MYORG: variants seen among roughly 807,000 people sequenced by gnomAD.
MYORG encodes the protein myogenesis regulating glycosidase, also known as alpha-galactosidase MYORG.
MYORG carries 45 observed loss-of-function variants against 49.8 expected under a neutral mutation model. That is an observed-to-expected ratio of 0.90 (90% CI 0.71 to 1.16). The LOEUF (loss-of-function observed/expected upper bound fraction) is 1.16, where lower values mean the gene tolerates loss of function less well. Among genes scored for constraint, MYORG ranks in the 50% most tolerant of loss-of-function variants. The pLI is 0.00. For missense variants in MYORG, 1,110 were observed against 1,026.5 expected (o/e 1.08, Z -1.11); for synonymous variants, 552 against 462.9 (o/e 1.19, Z -2.47).
rs1820635560 is a variant in MYORG at position 34,372,425 on chromosome 9, C to T, written c.519G>A (p.Glu173=). The change falls in exon 2 of 2, where the codon GAG becomes GAA. Residue 173 remains glutamate (E), a synonymous_variant. Transcript: ENST00000297625. ...CCGCGTCGCCCAAGAACATGGCGTGCTCCACGGCCCGGCCCGGCGCTGCCT... is the reference window on the plus strand; with the variant it reads ...CCGCGTCGCCCAAGAACATGGCGTGTTCCACGGCCCGGCCCGGCGCTGCCT... ...WEEAAPGRAV[E]HAMFLGDAAA... 2 of 1,581,246 alleles carry T rather than the reference C, an allele frequency of 1.3e-6. No individual in the cohort carries two copies. Among genetic ancestry groups the T allele is most frequent in the Admixed American group, 1.8e-5 (1 of 54,950 alleles).
In MYORG at chr9:34,372,387, T is replaced by A; in HGVS notation, c.557A>T (p.Tyr186Phe). The change falls in exon 2 of 2, where the codon TAT becomes TTT. Residue 186 changes from tyrosine (Y) to phenylalanine (F), a missense_variant. Physicochemically the swap from Tyr to Phe is conservative, Grantham distance 22. Coordinates refer to ENST00000297625, the MANE Select transcript of MYORG (RefSeq NM_020702.5). ...TTGCGTCCTCATCTCGGCGCCACCATACCAGTGGGCCGCCGCGTCGCCCAA... is the reference window on the plus strand; with the variant it reads ...TTGCGTCCTCATCTCGGCGCCACCAAACCAGTGGGCCGCCGCGTCGCCCAA... ...MFLGDAAAHWYGGAEMRTQHW... is the reference protein window; with the variant it reads ...MFLGDAAAHWFGGAEMRTQHW... The A allele has an allele frequency of 6.3e-7, 1 of 1,588,286 alleles. No homozygotes were observed. Among genetic ancestry groups the A allele is most frequent in the Non-Finnish European group, 8.6e-7 (1 of 1,168,750 alleles).
chr9:34,371,637 G>A lies in MYORG; in HGVS notation c.1307C>T (p.Thr436Met), dbSNP rs1264814966. 3.7e-6 allele frequency: 6 copies of A among 1,605,544 alleles called. No homozygotes were observed. Among genetic ancestry groups the A allele is most frequent in the Admixed American group, 1.7e-5 (1 of 59,132 alleles). ...WNGIGAVLDF[T>M]HPKARDWFQG... Reference sequence around the variant, plus strand: ...GAACCAGTCGCGGGCCTTTGGGTGCGTGAAGTCTAGCACCGCGCCGATGCC... The same window carrying A: ...GAACCAGTCGCGGGCCTTTGGGTGCATGAAGTCTAGCACCGCGCCGATGCC... The change falls in exon 2 of 2, where the codon ACG becomes ATG. Residue 436 changes from threonine to methionine, a missense_variant. Coordinates refer to ENST00000297625, the MANE Select transcript of MYORG (RefSeq NM_020702.5).
At position 34,376,339 on chromosome 9, in the gene MYORG, C is replaced by T. The variant is rs528027678; in HGVS notation, c.-64+454G>A. On this transcript the variant is annotated intron_variant, in intron 1 of 1. Coordinates refer to ENST00000297625, the MANE Select transcript of MYORG (RefSeq NM_020702.5). The surrounding 1 kb of genome is among the most constrained non-coding windows in gnomAD (Gnocchi z 4.4). Reference sequence around the variant, plus strand: ...GCCAGGTGGAGTCTGGGCTCTGCCCCTGCTGAGCCTCTCCCCACCGGACAC... The same window carrying T: ...GCCAGGTGGAGTCTGGGCTCTGCCCTTGCTGAGCCTCTCCCCACCGGACAC... Among the ~76,000 whole-genome samples the T allele has an allele frequency of 1.0e-3, 153 of 152,354 alleles. 1 individual carries two copies. Among genetic ancestry groups the T allele is most frequent in the African/African-American group, 3.3e-3 (136 of 41,574 alleles).
chr9:34,371,962 C>A lies in MYORG; in HGVS notation c.982G>T (p.Val328Leu). 2 of 1,614,036 alleles carry A rather than the reference C, an allele frequency of 1.2e-6. No individual in the cohort carries two copies. Among genetic ancestry groups the A allele is most frequent in the Non-Finnish European group, 1.7e-6 (2 of 1,179,888 alleles). ...WSTWALYGRA[V>L]DQDKVLRFAQ... ...AAACGCAGCACCTTGTCCTGGTCCA[C>A]GGCGCGCCCGTACAGCGCCCATGTG... Residue 328 changes from valine (V) to leucine (L), a missense_variant, in exon 2 of 2, where the codon GTG (valine) becomes TTG (leucine). Physicochemically the swap from Val to Leu is conservative, Grantham distance 32. Transcript: ENST00000297625.
Position 34,368,329 on chromosome 9 carries a change from G to A in MYORG, c.*2470C>T, listed in dbSNP as rs1178728696. The A allele has an allele frequency of 6.6e-6, 1 of 152,200 alleles. No homozygotes were observed. The highest frequency in any genetic ancestry group is 1.5e-5 in the Non-Finnish European group (1 of 68,030). The allele number at this position is 152,200 out of a possible 1,614,324, so 9.4% of individuals were successfully genotyped here. A position where few individuals can be genotyped will look rare whatever the true frequency, so the allele number is the denominator to read the frequency against. ...TAACATTTGGCTCCTTGTTACTTAT[G>A]CAAATTTCTGCAGGGGGCTTGAATT... On this transcript the variant is annotated 3_prime_UTR_variant, in exon 2 of 2. Coordinates refer to ENST00000297625, the MANE Select transcript of MYORG (RefSeq NM_020702.5).
In MYORG at chr9:34,370,048, G is replaced by C. The variant is rs1163282713; in HGVS notation, c.*751C>G. On this transcript the variant is annotated 3_prime_UTR_variant, in exon 2 of 2. Coordinates refer to ENST00000297625, the MANE Select transcript of MYORG (RefSeq NM_020702.5). ...CACACACACACACGCACACTCTTCA[G>C]TTAAGGCACGAAGTCTGGCCTGCAT... 1 of 152,810 alleles carries C rather than the reference G, an allele frequency of 6.5e-6. No individual in the cohort carries two copies. The highest frequency in any genetic ancestry group is 1.5e-5 in the Non-Finnish European group (1 of 68,244). 9.5% of individuals were successfully genotyped at this position (152,810 alleles called of 1,614,324 possible). A position where few individuals can be genotyped will look rare whatever the true frequency, so the allele number is the denominator to read the frequency against.
At chr9:34,374,074 C>T (rs1417567685) in intron 1 of MYORG, among the ~76,000 whole-genome samples, 1 of 152,218 alleles carries the variant, frequency 6.6e-6, no homozygotes, top group Non-Finnish European at 1.5e-5. Context: ...TCCATGCCTG[C>T]CTTCCTGCTT....
At position 34,371,772 on chromosome 9, in the gene MYORG, ACC is replaced by A; in HGVS notation, c.1170_1171del (p.Trp390CysfsTer102). On this transcript the variant is annotated frameshift_variant, in exon 2 of 2. Transcript: ENST00000297625. LOFTEE classifies it high-confidence loss of function. Reference sequence around the variant, plus strand: ...CGAGTTGTAGTTGACAAAAGGGTGCACCCAGAGCGTGACGCGGAAGCCGGCGT... The same window carrying A: ...CGAGTTGTAGTTGACAAAAGGGTGCACAGAGCGTGACGCGGAAGCCGGCGT... 6.2e-7 allele frequency: 1 copy of A among 1,613,842 alleles called. No individual in the cohort carries two copies. The highest frequency in any genetic ancestry group is 2.2e-5 in the East Asian group (1 of 44,876).
chr9:34,372,541 A>G lies in MYORG; in HGVS notation c.403T>C (p.Ser135Pro), dbSNP rs748675255. The change falls in exon 2 of 2, where the codon TCG becomes CCG. Residue 135 changes from serine (S) to proline (P), a missense_variant. Physicochemically the swap from Ser to Pro is moderately conservative, Grantham distance 74. Transcript: ENST00000297625. ...AGCGGCAGCCCGTCGGCCGTGAGCGAGCAGCCCAGCAGGGCGCCATCGCGG... is the reference window on the plus strand; with the variant it reads ...AGCGGCAGCCCGTCGGCCGTGAGCGGGCAGCCCAGCAGGGCGCCATCGCGG... ...CSRDGALLGC[S>P]LTADGLPLHF... is the part of the protein sequence containing the mutation. The G allele has an allele frequency of 5.6e-6, 9 of 1,600,660 alleles. No individual in the cohort carries two copies. In the South Asian group the frequency reaches 6.7e-5, roughly 12 times the overall value.
Position 34,372,386 on chromosome 9 carries a change from A to C in MYORG, c.558T>G (p.Tyr186Ter). Reference sequence around the variant, plus strand: ...GTTGCGTCCTCATCTCGGCGCCACCATACCAGTGGGCCGCCGCGTCGCCCA... The same window carrying C: ...GTTGCGTCCTCATCTCGGCGCCACCCTACCAGTGGGCCGCCGCGTCGCCCA... ...MFLGDAAAHW[Y>*]GGAEMRTQHW... Residue 186 changes from tyrosine (Y) to a stop codon, truncating the protein, a stop_gained, in exon 2 of 2, where the codon TAT (tyrosine) becomes TAG (stop). Coordinates refer to ENST00000297625, the MANE Select transcript of MYORG (RefSeq NM_020702.5). LOFTEE classifies it high-confidence loss of function. The C allele has an allele frequency of 6.3e-7, 1 of 1,588,738 alleles. No homozygotes were observed. Among genetic ancestry groups the C allele is most frequent in the Non-Finnish European group, 8.6e-7 (1 of 1,168,950 alleles).
Position 34,371,080 on chromosome 9 carries a change from G to A in MYORG, c.1864C>T (p.Leu622=). ...ASLVAPLLLE[L]AGEVTDTGDP... ...CCCGTGTCGGTGACCTCGCCCGCCA[G>A]CTCAAGCAACAGCGGTGCCACAAGC... The change falls in exon 2 of 2, where the codon CTG becomes TTG. Residue 622 remains leucine, a synonymous_variant. Transcript: ENST00000297625. 6.2e-7 allele frequency: 1 copy of A among 1,610,556 alleles called. No individual in the cohort carries two copies. Among genetic ancestry groups the A allele is most frequent in the Non-Finnish European group, 8.5e-7 (1 of 1,178,072 alleles).
rs893653740 is a variant in MYORG at position 34,368,229 on chromosome 9, C to T, written c.*2570G>A. 1.3e-5 allele frequency: 2 copies of T among 152,298 alleles called. No homozygotes were observed. The highest frequency in any genetic ancestry group is 4.8e-5 in the African/African-American group (2 of 41,480). 9.4% of individuals were successfully genotyped at this position (152,298 alleles called of 1,614,324 possible). A position where few individuals can be genotyped will look rare whatever the true frequency, so the allele number is the denominator to read the frequency against. On this transcript the variant is annotated 3_prime_UTR_variant, in exon 2 of 2. Transcript: ENST00000297625. Reference sequence around the variant, plus strand: ...AACCATTTTTTCCCTCCTAGGCCTCCAGGCCTGTGATGGGAGGCACTGCTG... The same window carrying T: ...AACCATTTTTTCCCTCCTAGGCCTCTAGGCCTGTGATGGGAGGCACTGCTG...
Position 34,370,663 on chromosome 9 carries a change from C to G in MYORG, c.*136G>C. 2 of 1,414,712 alleles carry G rather than the reference C, an allele frequency of 1.4e-6. No homozygotes were observed. The highest frequency in any genetic ancestry group is 2.5e-5 in the East Asian group (1 of 39,460). The allele number at this position is 1,414,712 out of a possible 1,614,324, so 87.6% of individuals were successfully genotyped here. Reference sequence around the variant, plus strand: ...CCCCACCTTCAGCAGCTGGTTCCAGCACATTTAAGTCAGCAGCCACTTAAT... The same window carrying G: ...CCCCACCTTCAGCAGCTGGTTCCAGGACATTTAAGTCAGCAGCCACTTAAT... On this transcript the variant is annotated 3_prime_UTR_variant, in exon 2 of 2. Transcript: ENST00000297625.
At position 34,372,982 on chromosome 9, in the gene MYORG, C is replaced by G. The variant is rs1341239741; in HGVS notation, c.-39G>C. Reference sequence around the variant, plus strand: ...AGAAAGGAGCGGGCCGTGGGGCCATCTGACTGAGTTCATCTCAACCTGCTC... The same window carrying G: ...AGAAAGGAGCGGGCCGTGGGGCCATGTGACTGAGTTCATCTCAACCTGCTC... On this transcript the variant is annotated 5_prime_UTR_variant, in exon 2 of 2. Coordinates refer to ENST00000297625, the MANE Select transcript of MYORG (RefSeq NM_020702.5). The G allele has an allele frequency of 6.3e-7, 1 of 1,595,976 alleles. No individual in the cohort carries two copies. The highest frequency in any genetic ancestry group is 1.7e-5 in the Admixed American group (1 of 58,856).
rs2131879591 is a variant in MYORG at position 34,371,838 on chromosome 9, T to C, written c.1106A>G (p.Lys369Arg). 1.2e-6 allele frequency: 2 copies of C among 1,614,060 alleles called. No homozygotes were observed. The highest frequency in any genetic ancestry group is 2.2e-5 in the South Asian group (2 of 91,090). Reference protein sequence around the residue: ...AYGDFDFDEVKFPNASDMFRR... With the variant: ...AYGDFDFDEVRFPNASDMFRR... Reference sequence around the variant, plus strand: ...GAACATGTCGCTGGCGTTGGGGAATTTGACCTCATCGAAGTCGAAGTCGCC... The same window carrying C: ...GAACATGTCGCTGGCGTTGGGGAATCTGACCTCATCGAAGTCGAAGTCGCC... Residue 369 changes from lysine to arginine, a missense_variant, in exon 2 of 2, where the codon AAA becomes AGA. Lys to Arg is a conservative substitution (Grantham distance 26). Transcript: ENST00000297625.
In MYORG at chr9:34,372,631, G is replaced by C; in HGVS notation, c.313C>G (p.Gln105Glu). 6.2e-7 allele frequency: 1 copy of C among 1,606,590 alleles called. No homozygotes were observed. The highest frequency in any genetic ancestry group is 8.5e-7 in the Non-Finnish European group (1 of 1,176,844). The change falls in exon 2 of 2, where the codon CAG becomes GAG. Residue 105 changes from glutamine to glutamate, a missense_variant. By Grantham distance (29) the Gln-to-Glu change is conservative. Transcript: ENST00000297625. ...LKAGGFSIRN[Q>E]KGEQVFRLAF... The stretch of plus-strand genomic sequence containing the variant: ...AGGCGGAAGACCTGCTCTCCCTTCT[G>C]ATTGCGGATGGAGAAGCCGCCAGCT...
At position 34,367,286 on chromosome 9, in the gene MYORG, C is replaced by G. The variant is rs949481158; in HGVS notation, c.*3513G>C. On this transcript the variant is annotated 3_prime_UTR_variant, in exon 2 of 2. Transcript: ENST00000297625. Reference sequence around the variant, plus strand: ...GGTGATATTTGGATGGGGACACAGCCAAACCATATCATTCTCTCCCTGGCC... The same window carrying G: ...GGTGATATTTGGATGGGGACACAGCGAAACCATATCATTCTCTCCCTGGCC... The G allele has an allele frequency of 4.6e-5, 7 of 152,104 alleles. No individual in the cohort carries two copies. The highest frequency in any genetic ancestry group is 8.8e-5 in the Non-Finnish European group (6 of 68,024). The allele number at this position is 152,104 out of a possible 1,614,324, so 9.4% of individuals were successfully genotyped here.
Position 34,371,437 on chromosome 9 carries a change from C to T in MYORG, c.1507G>A (p.Val503Met). 6.2e-7 allele frequency: 1 copy of T among 1,613,064 alleles called. No individual in the cohort carries two copies. ...MALPFFSLAE[V>M]RVGYQSQNIS... Reference sequence around the variant, plus strand: ...TTCTGTGACTGGTAGCCTACGCGCACCTCCGCCAGCGAGAAGAAGGGCAGC... The same window carrying T: ...TTCTGTGACTGGTAGCCTACGCGCATCTCCGCCAGCGAGAAGAAGGGCAGC... Residue 503 changes from valine to methionine, a missense_variant, in exon 2 of 2, where the codon GTG becomes ATG. Physicochemically the swap from Val to Met is conservative, Grantham distance 21. Transcript: ENST00000297625.
chr9:34,374,774 C>T (rs1820693676), intron 1 of MYORG, among the ~76,000 whole-genome samples: 1 of 151,412 alleles, frequency 6.6e-6, no homozygotes, highest in South Asian at 2.1e-4. Context: ...TGGTGGTGTG[C>T]ACCTGTAGTC....
Sources: allele counts gnomAD v4.1 joint callset (sites outside exome capture counted in the v4.1 genomes callset), GRCh38; gene constraint gnomAD v4.1.1; non-coding constraint Gnocchi (gnomAD v3.1); transcripts MANE v1.5; gene names NCBI Gene and HGNC (gene_info 2026-07-23, HGNC 2026-07-21).